LAT: variants seen among roughly 807,000 people sequenced by gnomAD.
The protein encoded by LAT is linker for activation of T cells, also known as linker for activation of T-cells family member 1.
LAT carries 12 observed loss-of-function variants against 39.1 expected under a neutral mutation model. The observed-to-expected ratio is 0.31, with a 90% CI of 0.20 to 0.50. The LOEUF (loss-of-function observed/expected upper bound fraction) is 0.50. LAT is among the 20% of genes least tolerant of loss of function. The pLI is 0.98. For missense variants in LAT, 253 were observed against 308.0 expected (o/e 0.82, Z 1.34); for synonymous variants, 117 against 123.8 (o/e 0.95, Z 0.36).
intron 8 of LAT, among the ~76,000 whole-genome samples, chr16:28,987,251 A>C: frequency 6.6e-6 from 1 of 151,074 alleles, no homozygotes; most frequent in African/African-American, 2.4e-5. Context: ...CTTCTTTCCT[A>C]TCTCTGTGTC....
rs527291763 is a variant in LAT, at chr16:28,985,193, C to T, written c.-225C>T. The T allele has an allele frequency of 1.4e-6, 2 of 1,430,050 alleles. No homozygotes were observed. Among genetic ancestry groups the T allele is most frequent in the African/African-American group, 1.4e-5 (1 of 69,496 alleles). The allele number at this position is 1,430,050 out of a possible 1,614,324, so 88.6% of individuals were successfully genotyped here. A position where few individuals can be genotyped will look rare whatever the true frequency, so the allele number is the denominator to read the frequency against. The stretch of plus-strand genomic sequence containing the variant: ...GGTCTGACCACCCTGGGAGCAGGGA[C>T]TTTCCACAGTCAGCTGGACGCACAC... On this transcript the variant is annotated 5_prime_UTR_variant, in exon 1 of 12. Coordinates refer to ENST00000395456, the MANE Select transcript of LAT (RefSeq NM_001014987.2). The surrounding 1 kb of genome is among the most constrained non-coding windows in gnomAD (Gnocchi z 4.6).
At chr16:28,984,955 T>G (rs753688067), upstream of LAT, 22 of 1,507,454 alleles carry the variant, frequency 1.5e-5, no homozygotes, top group African/African-American at 2.8e-5. Flanking sequence ...CTCCCGGGCC[T>G]CCTCCTGCCC....
rs1480091488 is a variant in LAT, at chr16:28,985,104, G to A, written c.-314G>A. On this transcript the variant is annotated 5_prime_UTR_variant, in exon 1 of 12. Coordinates refer to ENST00000395456, the MANE Select transcript of LAT (RefSeq NM_001014987.2). This position sits in a 1 kb window ranked among gnomAD's most constrained non-coding sequence, Gnocchi z 4.6. ...GGGCGGGCACGGAGAGGCGGGCGCC[G>A]AGGAGGGGCAGGTAGGGCTGGGACG... 7.7e-6 allele frequency: 11 copies of A among 1,427,770 alleles called. No individual in the cohort carries two copies. The highest frequency in any genetic ancestry group is 5.1e-5 in the East Asian group (2 of 38,998). 88.4% of individuals were successfully genotyped at this position (1,427,770 alleles called of 1,614,324 possible). A position where few individuals can be genotyped will look rare whatever the true frequency, so the allele number is the denominator to read the frequency against.
Position 28,986,694 on chromosome 16 carries a change from C to T in LAT, c.378C>T (p.Asp126=), listed in dbSNP as rs1207652795. Reference sequence around the variant, plus strand: ...AGGATGCGGATGAGGATGAGGACGACTATCACAACCCAGGCTACCTGTGAG... The same window carrying T: ...AGGATGCGGATGAGGATGAGGACGATTATCACAACCCAGGCTACCTGTGAG... ...ACEDADEDED[D]YHNPGYLVVL... is the part of the protein sequence containing the mutation. Residue 126 remains aspartate (D), a synonymous_variant, in exon 7 of 12, where the codon GAC becomes GAT. Coordinates refer to ENST00000395456, the MANE Select transcript of LAT (RefSeq NM_001014987.2). The surrounding 1 kb of genome is among the most constrained non-coding windows in gnomAD (Gnocchi z 5.7). 1 of 1,613,430 alleles carries T rather than the reference C, an allele frequency of 6.2e-7. No homozygotes were observed. The highest frequency in any genetic ancestry group is 8.5e-7 in the Non-Finnish European group (1 of 1,179,678).
chr16:28,988,572 G>C (rs530219359), intron 8 of LAT: 1 of 152,144 alleles, frequency 6.6e-6, no homozygotes, highest in Non-Finnish European at 1.5e-5. Context: ...TTAGCAGGGC[G>C]TGGTGGCGGG....
rs1211346968 is a variant in LAT, at chr16:28,989,916, C to T, written c.623-17C>T. 1 of 1,613,678 alleles carries T rather than the reference C, an allele frequency of 6.2e-7. No homozygotes were observed. The highest frequency in any genetic ancestry group is 8.5e-7 in the Non-Finnish European group (1 of 1,179,760). The stretch of plus-strand genomic sequence containing the variant: ...GGATAGCTTGCAAGCTGGAGACCAA[C>T]CTCCCCTCCCTTACAGCCGCCCTGA... On this transcript the variant is annotated splice_polypyrimidine_tract_variant and intron_variant, in intron 10 of 11. Coordinates refer to ENST00000395456, the MANE Select transcript of LAT (RefSeq NM_001014987.2).
rs111709895 is a variant in LAT at position 28,986,777 on chromosome 16, G to A, written c.399-22G>A. On this transcript the variant is annotated intron_variant, in intron 7 of 11. Transcript: ENST00000395456. This position sits in a 1 kb window ranked among gnomAD's most constrained non-coding sequence, Gnocchi z 5.7. ...GGCTGTGCGTCCCCCCTTGCTCACC[G>A]GCCCTTTTCACTTCCTTTCAGGGTG... 4,310 of 1,612,120 alleles carry A rather than the reference G, an allele frequency of 2.7e-3. 58 individuals carry two copies. The Admixed American group carries it at 0.032, about 12-fold the overall frequency.
rs1567530133 is a variant in LAT at position 28,985,114 on chromosome 16, A to G, written c.-304A>G. 5 of 1,427,980 alleles carry G rather than the reference A, an allele frequency of 3.5e-6. No individual in the cohort carries two copies. Among genetic ancestry groups the G allele is most frequent in the South Asian group, 3.0e-5 (2 of 66,674 alleles). 88.5% of individuals were successfully genotyped at this position (1,427,980 alleles called of 1,614,324 possible). On this transcript the variant is annotated 5_prime_UTR_variant, in exon 1 of 12. Transcript: ENST00000395456. The surrounding 1 kb of genome is among the most constrained non-coding windows in gnomAD (Gnocchi z 4.6). ...GGAGAGGCGGGCGCCGAGGAGGGGC[A>G]GGTAGGGCTGGGACGCAGGGGTAAC...
Position 28,986,003 on chromosome 16 carries a change from G to T in LAT, c.163+115G>T. 1 of 1,436,660 alleles carries T rather than the reference G, an allele frequency of 7.0e-7. No individual in the cohort carries two copies. The highest frequency in any genetic ancestry group is 9.8e-7 in the Non-Finnish European group (1 of 1,020,158). The allele number at this position is 1,436,660 out of a possible 1,614,324, so 89.0% of individuals were successfully genotyped here. On this transcript the variant is annotated intron_variant, in intron 3 of 11. Coordinates refer to ENST00000395456, the MANE Select transcript of LAT (RefSeq NM_001014987.2). This position sits in a 1 kb window ranked among gnomAD's most constrained non-coding sequence, Gnocchi z 5.7. ...ACCTTGGGGCTGCCCACATGGCCTT[G>T]ACCTGAGCTGGGAGAGGGGAGATGG... is the stretch of plus-strand genomic sequence containing the variant.
rs144257249 is a variant in LAT, at chr16:28,986,961, G to A, written c.493+68G>A. The A allele has an allele frequency of 3.7e-4, 480 of 1,306,888 alleles. 4 individuals are homozygous for A. The African/African-American group carries it at 6.4e-3, about 17-fold the overall frequency. 81.0% of individuals were successfully genotyped at this position (1,306,888 alleles called of 1,614,324 possible). ...TAGGCTGGAGTGCAGTGGTGCCATT[G>A]TAGCTCGCTGCAGCCTTGAACTCCT... On this transcript the variant is annotated intron_variant, in intron 8 of 11. Transcript: ENST00000395456. This position sits in a 1 kb window ranked among gnomAD's most constrained non-coding sequence, Gnocchi z 5.7.
At chr16:28,990,067 ACTC>A (rs1438661687) in intron 11 of LAT, 48 bp downstream of exon 11, 1 of 1,499,056 alleles carries the variant, frequency 6.7e-7, no homozygotes, top group East Asian at 2.3e-5. Flanking sequence ...CACAGGCTCT[ACTC>A]CTTCCCTCCA....
rs1016130341 is a variant in LAT, at chr16:28,990,229, G to C, written c.*48G>C. On this transcript the variant is annotated 3_prime_UTR_variant, in exon 12 of 12. Transcript: ENST00000395456. ...TCCTGGAACCAGGCTTGCCTGGGAC[G>C]GCTGAGCTGGGCAGCTGGAAGTGGC... 1 of 695,636 alleles carries C rather than the reference G, an allele frequency of 1.4e-6. No homozygotes were observed. The highest frequency in any genetic ancestry group is 1.7e-5 in the African/African-American group (1 of 57,158). The allele number at this position is 695,636 out of a possible 1,614,324, so 43.1% of individuals were successfully genotyped here. A position where few individuals can be genotyped will look rare whatever the true frequency, so the allele number is the denominator to read the frequency against.
chr16:28,985,739 A>G lies in LAT; in HGVS notation c.127A>G (p.Ser43Gly). Reference sequence around the variant, plus strand: ...CTCCTACGACAGCACATCCTCAGATAGGTGAGTCCGCCCCAGCCGCCCTGG... The same window carrying G: ...CTCCTACGACAGCACATCCTCAGATGGGTGAGTCCGCCCCAGCCGCCCTGG... The part of the protein sequence containing the change: ...PGSYDSTSSD[S>G]LYPRGIQFKR... The change falls in exon 2 of 12, where the codon AGT becomes GGT. Residue 43 changes from serine to glycine, a missense_variant and splice_region_variant. Coordinates refer to ENST00000395456, the MANE Select transcript of LAT (RefSeq NM_001014987.2). This position sits in a 1 kb window ranked among gnomAD's most constrained non-coding sequence, Gnocchi z 4.6. The G allele has an allele frequency of 6.2e-7, 1 of 1,614,024 alleles. No homozygotes were observed. The highest frequency in any genetic ancestry group is 8.5e-7 in the Non-Finnish European group (1 of 1,179,966).
In LAT at chr16:28,986,942, G is replaced by A. The variant is rs1248798828; in HGVS notation, c.493+49G>A. On this transcript the variant is annotated intron_variant, in intron 8 of 11. Transcript: ENST00000395456. The surrounding 1 kb of genome is among the most constrained non-coding windows in gnomAD (Gnocchi z 5.7). ...TTTTAAATTTTTTTAGGGATAGGCT[G>A]GAGTGCAGTGGTGCCATTGTAGCTC... is the stretch of plus-strand genomic sequence containing the variant. 3 of 1,459,782 alleles carry A rather than the reference G, an allele frequency of 2.1e-6. No homozygotes were observed. The highest frequency in any genetic ancestry group is 2.8e-6 in the Non-Finnish European group (3 of 1,058,264). The allele number at this position is 1,459,782 out of a possible 1,614,324, so 90.4% of individuals were successfully genotyped here.
rs1473616556 is a variant in LAT, at chr16:28,986,924, T to C, written c.493+31T>C. 6.3e-7 allele frequency: 1 copy of C among 1,585,814 alleles called. No homozygotes were observed. ...TCAGGCATTTGTTTTTATTTTTAAATTTTTTTAGGGATAGGCTGGAGTGCA... is the reference window on the plus strand; with the variant it reads ...TCAGGCATTTGTTTTTATTTTTAAACTTTTTTAGGGATAGGCTGGAGTGCA... On this transcript the variant is annotated intron_variant, in intron 8 of 11. Coordinates refer to ENST00000395456, the MANE Select transcript of LAT (RefSeq NM_001014987.2). This position sits in a 1 kb window ranked among gnomAD's most constrained non-coding sequence, Gnocchi z 5.7.
chr16:28,990,579 C>G lies in LAT; in HGVS notation c.*398C>G, dbSNP rs776362054. 3 of 244,892 alleles carry G rather than the reference C, an allele frequency of 1.2e-5. No homozygotes were observed. Among genetic ancestry groups the G allele is most frequent in the Non-Finnish European group, 2.4e-5 (3 of 123,530 alleles). 15.2% of individuals were successfully genotyped at this position (244,892 alleles called of 1,614,324 possible). ...GCTCAGCCAGGTGCTGTGACACCCC[C>G]CTTCTGAATGAAGCCTTCTGACCTG... On this transcript the variant is annotated 3_prime_UTR_variant, in exon 12 of 12. Transcript: ENST00000395456.
At chr16:28,989,184 A>G in intron 8 of LAT, 1 of 233,462 alleles carries the variant, frequency 4.3e-6, no homozygotes, top group Non-Finnish European at 8.3e-6. Context: ...ACGCCACCAA[A>G]CTCCCACTGC....
intron 8 of LAT, chr16:28,988,474 GC>G (rs1965809088): frequency 6.6e-6 from 1 of 152,318 alleles, no homozygotes; most frequent in Non-Finnish European, 1.5e-5. Context: ...ACTTTGGGAG[GC>G]CAAGGTGGGG....
upstream of LAT, chr16:28,984,912 G>C (rs775720799): frequency 9.7e-6 from 15 of 1,546,864 alleles, no homozygotes; most frequent in East Asian, 2.4e-5. Flanking sequence ...TCTTGGGGGG[G>C]GCCAGCAGAC....
Sources: gnomAD v4.1 joint callset for allele counts (sites outside exome capture counted in the v4.1 genomes callset) on GRCh38, gnomAD v4.1.1 for gene constraint, Gnocchi (gnomAD v3.1) non-coding constraint, MANE v1.5 for transcripts, NCBI Gene and HGNC (gene_info 2026-07-23, HGNC 2026-07-21) for gene names.